UBXN11: variants seen among roughly 807,000 people sequenced by gnomAD.
UBXN11 encodes the protein UBX domain protein 11, also known as UBX domain-containing protein 11.
UBXN11 carries 47 observed loss-of-function variants against 62.8 expected under a neutral mutation model. That is an observed-to-expected ratio of 0.75 (90% CI 0.59 to 0.95). The LOEUF (loss-of-function observed/expected upper bound fraction) is 0.95. UBXN11 is among the 40% of genes least tolerant of loss of function. UBXN11 has a pLI of 0.00. For synonymous variants in UBXN11, 294 were observed against 267.0 expected (o/e 1.10, Z -0.99); for missense variants, 638 against 661.7 (o/e 0.96, Z 0.39).
upstream of UBXN11, among the ~76,000 whole-genome samples, chr1:26,307,793 T>C (rs1433634803): frequency 6.6e-6 from 1 of 151,986 alleles, no homozygotes; most frequent in African/African-American, 2.4e-5. Context: ...GCCCAGCTAG[T>C]TTTTGTATTT....
intron 1 of UBXN11, chr1:26,317,844 T>C (rs181525001): frequency 2.0e-4 from 119 of 608,466 alleles, no homozygotes; most frequent in African/African-American, 1.8e-3. Flanking sequence ...CCCCCAGATC[T>C]GCAGAAAGGA....
rs762635882 is a variant in UBXN11 at position 26,282,383 on chromosome 1, GGGGCCGGGACCGGGACCGGGAC to G, written c.1457_1478del (p.Cys486SerfsTer?). 3.1e-3 allele frequency: 2,114 copies of G among 688,736 alleles called. 57 individuals are homozygous for G. The African/African-American group carries it at 0.041, about 13-fold the overall frequency. The allele number at this position is 688,736 out of a possible 1,614,324, so 42.7% of individuals were successfully genotyped here. ...TGGGGCCGGGACCGGGACCGGGACT[GGGGCCGGGACCGGGACCGGGAC>G]AGGGACCAGGACTGAATTTCAGGCT... On this transcript the variant is annotated frameshift_variant, in exon 15 of 15. Transcript: ENST00000374222. LOFTEE classifies it low-confidence loss of function (END_TRUNC).
chr1:26,296,820 G>A, intron 7 of UBXN11, 99 bp downstream of exon 7: 1 of 1,252,716 alleles, frequency 8.0e-7, no homozygotes, highest in Non-Finnish European at 1.1e-6. Flanking sequence ...GACGAGGAGA[G>A]GCCCAGAGAG....
At chr1:26,292,390 G>A (rs895261902) in intron 8 of UBXN11, among the ~76,000 whole-genome samples, 2 of 152,122 alleles carry the variant, frequency 1.3e-5, no homozygotes, top group East Asian at 1.9e-4. Context: ...GTGGTGGCAC[G>A]TGCCTGCAGT....
At chr1:26,309,926 C>A (rs2073724313), upstream of UBXN11, among the ~76,000 whole-genome samples, 2 of 152,302 alleles carry the variant, frequency 1.3e-5, no homozygotes, top group African/African-American at 4.8e-5. Flanking sequence ...TGCATTATTG[C>A]TCCTGAAAAG....
chr1:26,304,075 A>G (rs1236075985), intron 1 of UBXN11, among the ~76,000 whole-genome samples: 1 of 152,150 alleles, frequency 6.6e-6, no homozygotes, highest in Non-Finnish European at 1.5e-5. Flanking sequence ...ATTTTTTAGG[A>G]CAAATCCAAG....
intron 7 of UBXN11, among the ~76,000 whole-genome samples, chr1:26,296,622 C>G (rs1228918929): frequency 6.6e-6 from 1 of 152,198 alleles, no homozygotes; most frequent in African/African-American, 2.4e-5. Flanking sequence ...GGCCAGCCCG[C>G]AGGGGCCACA....
At position 26,294,295 on chromosome 1, in the gene UBXN11, C is replaced by T. The variant is rs370517093; in HGVS notation, c.469G>A (p.Glu157Lys). The change falls in exon 8 of 15, where the codon GAG becomes AAG. Residue 157 changes from glutamate to lysine, a missense_variant. Physicochemically the swap from Glu to Lys is moderately conservative, Grantham distance 56 (BLOSUM62 1). Coordinates refer to ENST00000374222, the MANE Select transcript of UBXN11 (RefSeq NM_001389556.1). ...LSDYGLQWVG[E>K]PMDQEDSESK... ...TCTGAGTCCTCCTGGTCCATGGGCT[C>T]GCCCACCCACTGCAGGCCATAGTCA... 9.9e-6 allele frequency: 16 copies of T among 1,614,006 alleles called. No individual in the cohort carries two copies. Among genetic ancestry groups the T allele is most frequent in the East Asian group, 6.7e-5 (3 of 44,896 alleles).
chr1:26,310,685 G>T (rs1459577809), upstream of UBXN11, among the ~76,000 whole-genome samples: 2 of 140,214 alleles, frequency 1.4e-5, no homozygotes, highest in Non-Finnish European at 3.0e-5. Flanking sequence ...CCAAGATTGC[G>T]CCACTGCACT....
rs1050763596 is a variant in UBXN11, at chr1:26,301,852, G to A, written c.72-130C>T. ...TGGAAGCAGGGCCTCTAACTCCTGA[G>A]GACTTCCAGCCCCAAATCCCAGCCC... On this transcript the variant is annotated intron_variant, in intron 2 of 14. Coordinates refer to ENST00000374222, the MANE Select transcript of UBXN11 (RefSeq NM_001389556.1). The A allele has an allele frequency of 3.5e-5, 44 of 1,265,324 alleles. No individual in the cohort carries two copies. In the East Asian group the frequency reaches 1.0e-3, roughly 29 times the overall value. The allele number at this position is 1,265,324 out of a possible 1,614,324, so 78.4% of individuals were successfully genotyped here.
At chr1:26,300,688 C>G (rs941852925) in intron 4 of UBXN11, among the ~76,000 whole-genome samples, 2 of 152,224 alleles carry the variant, frequency 1.3e-5, no homozygotes, top group Admixed American at 1.3e-4. Flanking sequence ...CACCTGGTAA[C>G]TATAGCCACA....
At chr1:26,283,432 G>T (rs1557678776) in intron 12 of UBXN11, among the ~76,000 whole-genome samples, 1 of 152,198 alleles carries the variant, frequency 6.6e-6, no homozygotes, top group East Asian at 1.9e-4. Context: ...GAAGGAAAAG[G>T]TTGGTGTGAG....
intron 8 of UBXN11, among the ~76,000 whole-genome samples, chr1:26,293,538 C>A (rs546621326): frequency 6.6e-6 from 1 of 151,710 alleles, no homozygotes; most frequent in Middle Eastern, 3.2e-3. Flanking sequence ...CCAGCCTGGC[C>A]AACATGGTAA....
At chr1:26,284,840 C>T (rs1235681803) in intron 10 of UBXN11, 3 of 1,043,226 alleles carry the variant, frequency 2.9e-6, no homozygotes, top group Non-Finnish European at 2.3e-6. Flanking sequence ...TACATGTAAC[C>T]TCACTTGCCT....
At chr1:26,301,066 C>T (rs775551702) in intron 3 of UBXN11, 42 bp from the exon 4 acceptor site, 4 of 1,613,580 alleles carry the variant, frequency 2.5e-6, no homozygotes, top group Non-Finnish European at 3.4e-6. Flanking sequence ...GGGGCGGAGA[C>T]CCAGAGGAAA....
chr1:26,304,535 C>A (rs1006738239), intron 1 of UBXN11, among the ~76,000 whole-genome samples: 3 of 152,108 alleles, frequency 2.0e-5, no homozygotes, highest in Non-Finnish European at 2.9e-5. Context: ...GGTGGATCAC[C>A]TAAGGTCAGG....
upstream of UBXN11, among the ~76,000 whole-genome samples, chr1:26,307,861 A>G (rs1173375382): frequency 6.6e-6 from 1 of 151,992 alleles, no homozygotes; most frequent in African/African-American, 2.4e-5. Flanking sequence ...TCCTGAGCTC[A>G]AGCCATCCGC....
In UBXN11 at chr1:26,293,286, C is replaced by T. The variant is rs565044348; in HGVS notation, c.559+919G>A. 5.9e-5 allele frequency among the ~76,000 whole-genome samples: 9 copies of T among 152,214 alleles called. No individual in the cohort carries two copies. The East Asian group carries it at 1.7e-3, about 29-fold the overall frequency. ...GGCCCAGGTGTGCCTGACTCTAGAG[C>T]CTGGAGAAGCATCTTTTGGGTGACA... On this transcript the variant is annotated intron_variant, in intron 8 of 14. Transcript: ENST00000374222.
At chr1:26,291,688 C>G (rs917799412) in intron 8 of UBXN11, among the ~76,000 whole-genome samples, 1 of 152,204 alleles carries the variant, frequency 6.6e-6, no homozygotes, top group Non-Finnish European at 1.5e-5. Flanking sequence ...TTGTGGGCCT[C>G]TGGCCTAGAT....
Sources: gnomAD v4.1 joint callset for allele counts (sites outside exome capture counted in the v4.1 genomes callset) on GRCh38, gnomAD v4.1.1 for gene constraint, MANE v1.5 for transcripts, NCBI Gene and HGNC (gene_info 2026-07-23, HGNC 2026-07-21) for gene names.